RABGAP1L: variants seen among roughly 807,000 people sequenced by gnomAD.
RABGAP1L encodes the protein RAB GTPase activating protein 1 like.
In RABGAP1L, 63 loss-of-function variants were observed where a neutral mutation model predicts 137.7. That is an observed-to-expected ratio of 0.46 (90% confidence interval 0.37 to 0.56). RABGAP1L has a LOEUF of 0.56. RABGAP1L is among the 20% of genes least tolerant of loss of function. The pLI, the probability that RABGAP1L is intolerant of heterozygous loss-of-function variation, is 0.00. For synonymous variants in RABGAP1L, 431 were observed against 433.7 expected (o/e 0.99, Z 0.08); for missense variants, 1,095 against 1,244.0 (o/e 0.88, Z 1.80).
intron 19 of RABGAP1L, among the ~76,000 whole-genome samples, chr1:174,951,486 T>G (rs957605718): frequency 1.3e-5 from 2 of 152,226 alleles, no homozygotes; most frequent in Non-Finnish European, 2.9e-5. Context: ...ACATACTTAG[T>G]GGCAATTACT....
intron 17 of RABGAP1L, among the ~76,000 whole-genome samples, chr1:174,710,949 C>T (rs868643734): frequency 1.5e-4 from 23 of 152,262 alleles, no homozygotes; most frequent in Middle Eastern, 6.8e-3. Flanking sequence ...GCTCAGGCTG[C>T]GCAGGAGCCC....
At chr1:174,161,023 A>G (rs558774349) in intron 1 of RABGAP1L, among the ~76,000 whole-genome samples, 1 of 152,290 alleles carries the variant, frequency 6.6e-6, no homozygotes, top group South Asian at 2.1e-4. Context: ...AACTTTATGT[A>G]TACATTATCA....
chr1:174,248,137 A>C (rs888034273), intron 5 of RABGAP1L, among the ~76,000 whole-genome samples: 1 of 152,164 alleles, frequency 6.6e-6, no homozygotes, highest in African/African-American at 2.4e-5. Flanking sequence ...CTCTATAAAC[A>C]CTTGAATTAT....
chr1:174,412,181 G>A (rs1650016157), intron 13 of RABGAP1L, among the ~76,000 whole-genome samples: 1 of 152,010 alleles, frequency 6.6e-6, no homozygotes, highest in Non-Finnish European at 1.5e-5. Flanking sequence ...AGATAGTTAA[G>A]TCTTCTTGTT....
intron 6 of RABGAP1L, among the ~76,000 whole-genome samples, chr1:174,251,259 GTA>G (rs997545990): frequency 6.6e-6 from 1 of 151,312 alleles, no homozygotes; most frequent in Admixed American, 6.6e-5. Flanking sequence ...TTACACAATT[GTA>G]TATATATACC....
intron 13 of RABGAP1L, among the ~76,000 whole-genome samples, chr1:174,629,946 G>C (rs540728434): frequency 6.6e-6 from 1 of 152,286 alleles, no homozygotes; most frequent in East Asian, 1.9e-4. Flanking sequence ...TAGGAGCGGT[G>C]AGAGAGGGCA....
intron 10 of RABGAP1L, among the ~76,000 whole-genome samples, chr1:174,298,179 C>T (rs1314519806): frequency 6.6e-6 from 1 of 152,198 alleles, no homozygotes; most frequent in Admixed American, 6.5e-5. Flanking sequence ...CCTTCTCTTC[C>T]TAGCAGATAC....
At chr1:174,830,406 A>G (rs1167040174) in intron 19 of RABGAP1L, among the ~76,000 whole-genome samples, 2 of 147,370 alleles carry the variant, frequency 1.4e-5, no homozygotes, top group African/African-American at 4.9e-5. Context: ...TAATCTATTT[A>G]TTTTTATTTA....
At chr1:174,584,063 C>T (rs532736359) in intron 13 of RABGAP1L, among the ~76,000 whole-genome samples, 24 of 152,160 alleles carry the variant, frequency 1.6e-4, no homozygotes, top group Admixed American at 1.4e-3. Flanking sequence ...CAGTGCTTGT[C>T]CCTATTGTGC....
intron 5 of RABGAP1L, among the ~76,000 whole-genome samples, chr1:174,243,975 A>G (rs1344838556): frequency 3.3e-5 from 5 of 152,232 alleles, no homozygotes; most frequent in African/African-American, 9.6e-5. Flanking sequence ...TATTGGTAAC[A>G]TAGCTTGCAT....
At chr1:174,698,023 G>A (rs112573213) in intron 15 of RABGAP1L, among the ~76,000 whole-genome samples, 17 of 152,216 alleles carry the variant, frequency 1.1e-4, no homozygotes, top group Non-Finnish European at 2.4e-4. Context: ...TGGCTGATTT[G>A]TATGAAATCT....
In RABGAP1L at chr1:174,308,990, T is replaced by G. The variant is rs77014022; in HGVS notation, c.1465+3863T>G. 5.7e-3 allele frequency among the ~76,000 whole-genome samples: 873 copies of G among 152,156 alleles called. 8 individuals are homozygous for G. The highest frequency in any genetic ancestry group is 0.02 in the African/African-American group (833 of 41,548). Reference sequence around the variant, plus strand: ...AGTATAGACATTTAAACATATTAATTCTTCCAATCCATGTACACAGTATAT... The same window carrying G: ...AGTATAGACATTTAAACATATTAATGCTTCCAATCCATGTACACAGTATAT... On this transcript the variant is annotated intron_variant, in intron 11 of 25. Transcript: ENST00000681986.
At chr1:174,634,993 C>A (rs1221174199) in intron 13 of RABGAP1L, among the ~76,000 whole-genome samples, 1 of 148,466 alleles carries the variant, frequency 6.7e-6, no homozygotes, top group Non-Finnish European at 1.5e-5. Context: ...TGTATCTAAC[C>A]TGCACAATGT....
intron 13 of RABGAP1L, among the ~76,000 whole-genome samples, chr1:174,625,055 G>A (rs761066509): frequency 6.6e-6 from 1 of 151,810 alleles, no homozygotes; most frequent in Admixed American, 6.6e-5. Flanking sequence ...TATTTTTTTA[G>A]TAGAGACGGG....
chr1:174,299,921 A>G (rs941136907), intron 10 of RABGAP1L, among the ~76,000 whole-genome samples: 3 of 152,216 alleles, frequency 2.0e-5, no homozygotes, highest in African/African-American at 7.2e-5. Flanking sequence ...AAGGATTAAA[A>G]TAAGACAACA....
At chr1:174,711,540 G>A (rs1413431610) in intron 17 of RABGAP1L, among the ~76,000 whole-genome samples, 1 of 152,284 alleles carries the variant, frequency 6.6e-6, no homozygotes, top group African/African-American at 2.4e-5. Flanking sequence ...TTCGCACCCG[G>A]GCCAGCAGCT....
intron 1 of RABGAP1L, among the ~76,000 whole-genome samples, chr1:174,170,852 A>G (rs1304929384): frequency 6.7e-6 from 1 of 149,624 alleles, no homozygotes; most frequent in Non-Finnish European, 1.5e-5. Flanking sequence ...AGATGTACAA[A>G]AGAACACACA....
At chr1:174,691,392 T>G (rs1236028516) in intron 15 of RABGAP1L, among the ~76,000 whole-genome samples, 3 of 152,194 alleles carry the variant, frequency 2.0e-5, no homozygotes, top group Admixed American at 1.3e-4. Context: ...AGAGAAGTAG[T>G]GAGGGCTTGG....
chr1:174,663,382 A>G (rs1676532964), intron 14 of RABGAP1L, among the ~76,000 whole-genome samples: 1 of 152,196 alleles, frequency 6.6e-6, no homozygotes, highest in Admixed American at 6.5e-5. Flanking sequence ...AGTCCATAAG[A>G]CTAAATAGTA....
Sources: allele counts gnomAD v4.1 joint callset (sites outside exome capture counted in the v4.1 genomes callset), GRCh38; gene constraint gnomAD v4.1.1; transcripts MANE v1.5; gene names NCBI Gene and HGNC (gene_info 2026-07-23, HGNC 2026-07-21).